Variants in TRPM4 observed in about 807,000 individuals in gnomAD.
TRPM4 encodes calcium-activated non-selective cation channel 1.
Under a neutral mutation model 135.6 loss-of-function variants are expected in TRPM4, and 124 were observed. The observed-to-expected ratio is 0.91, with a 90% CI of 0.79 to 1.06. The LOEUF (loss-of-function observed/expected upper bound fraction) is 1.06, where lower values mean the gene tolerates loss of function less well. Among genes scored for constraint, TRPM4 ranks in the 50% least tolerant of loss-of-function variants. The probability of loss-of-function intolerance (pLI) is 0.00; values close to 1 mark genes in which losing one functional copy is unlikely to be tolerated. For synonymous variants in TRPM4, 745 were observed against 705.6 expected (o/e 1.06, Z -0.88); for missense variants, 1,658 against 1,671.4 (o/e 0.99, Z 0.14).
Position 49,167,987 on chromosome 19 carries a change from G to T in TRPM4, c.338G>T (p.Arg113Leu). 1 of 1,613,976 alleles carries T rather than the reference G, an allele frequency of 6.2e-7. No individual in the cohort carries two copies. The highest frequency in any genetic ancestry group is 8.5e-7 in the Non-Finnish European group (1 of 1,179,994). Residue 113 changes from arginine to leucine, a missense_variant, in exon 4 of 25, where the codon CGT (arginine) becomes CTT (leucine). Around this residue, in one of 3 missense-constraint regions of TRPM4, gnomAD observed 239 missense variants for 240.1 expected, o/e 1.00. Transcript: ENST00000252826. ...YSLVTRTWGFRAPNLVVSVLG... is the reference protein window; with the variant it reads ...YSLVTRTWGFLAPNLVVSVLG... ...CTGGTCACACGCACATGGGGCTTCC[G>T]TGCCCCGAACCTGGTGGTGTCAGTG...
chr19:49,159,727 C>G (rs1435429988), intron 2 of TRPM4: 3 of 152,174 alleles, frequency 2.0e-5, no homozygotes, highest in South Asian at 4.1e-4. Flanking sequence ...AGGCAATGCA[C>G]CTGCCTTGGC....
intron 17 of TRPM4, among the ~76,000 whole-genome samples, chr19:49,199,248 TTTTGG>T (rs773918713): frequency 0.037 from 5,271 of 141,156 alleles, 185 homozygotes; most frequent in African/African-American, 0.098. Context: ...CTTGTTTTTT[TTTTGG>T]TTTTTGTTTT....
At chr19:49,193,559 G>A (rs1488638817) in intron 16 of TRPM4, among the ~76,000 whole-genome samples, 1 of 151,934 alleles carries the variant, frequency 6.6e-6, no homozygotes, top group Non-Finnish European at 1.5e-5. Flanking sequence ...CTCAGCCCCT[G>A]TGGAGCCCCC....
rs193205297 is a variant in TRPM4, at chr19:49,183,693, G to A, written c.1743+481G>A. Reference sequence around the variant, plus strand: ...GCTGGGATTACAGGCATGTGCCACCGTGCCTGGCCAAGATTCTCTCTTTGT... The same window carrying A: ...GCTGGGATTACAGGCATGTGCCACCATGCCTGGCCAAGATTCTCTCTTTGT... On this transcript the variant is annotated intron_variant, in intron 12 of 24. Coordinates refer to ENST00000252826, the MANE Select transcript of TRPM4 (RefSeq NM_017636.4). 3.2e-3 allele frequency among the ~76,000 whole-genome samples: 491 copies of A among 152,072 alleles called. 3 individuals are homozygous for A. The highest frequency in any genetic ancestry group is 0.017 in the Middle Eastern group (5 of 294).
At chr19:49,205,433 T>G (rs1367899165) in intron 20 of TRPM4, among the ~76,000 whole-genome samples, 2 of 152,068 alleles carry the variant, frequency 1.3e-5, no homozygotes, top group African/African-American at 4.8e-5. Flanking sequence ...CTTGATCACA[T>G]GTGTAAACTC....
In TRPM4 at chr19:49,196,627, G is replaced by T; in HGVS notation, c.2398G>T (p.Val800Leu). The change falls in exon 17 of 25, where the codon GTG (valine) becomes TTG (leucine). Residue 800 changes from valine (V) to leucine (L), a missense_variant. By Grantham distance (32) the Val-to-Leu change is conservative. Coordinates refer to ENST00000252826, the MANE Select transcript of TRPM4 (RefSeq NM_017636.4). ...GCTGTTCCTGCTGCTTTTCTCGCGG[G>T]TGCTGCTCGTGGATTTCCAGCCGGC... ...YLLFLLLFSR[V>L]LLVDFQPAPP... The T allele has an allele frequency of 6.4e-7, 1 of 1,551,876 alleles. No individual in the cohort carries two copies. The highest frequency in any genetic ancestry group is 2.4e-5 in the East Asian group (1 of 41,686).
rs1052951436 is a variant in TRPM4, at chr19:49,203,173, G to A, written c.3131+1032G>A. 2.0e-5 allele frequency among the ~76,000 whole-genome samples: 3 copies of A among 151,590 alleles called. No individual in the cohort carries two copies. In the Middle Eastern group the frequency reaches 0.01, roughly 516 times the overall value. ...CCCAAAGTGCTAGGATTACAGGCGT[G>A]AGCCACCGCGCCCCGCCTTTTTTTG... is the stretch of plus-strand genomic sequence containing the variant. On this transcript the variant is annotated intron_variant, in intron 20 of 24. Transcript: ENST00000252826.
Position 49,196,435 on chromosome 19 carries a change from C to G in TRPM4, c.2211-5C>G, listed in dbSNP as rs749307006. On this transcript the variant is annotated splice_region_variant and splice_polypyrimidine_tract_variant and intron_variant, in intron 16 of 24. Transcript: ENST00000252826. Reference sequence around the variant, plus strand: ...CCTCCTCCCTTCTCTTCTCTTCCCCCACAGGACGGCGGACCCAGCCGAGAA... The same window carrying G: ...CCTCCTCCCTTCTCTTCTCTTCCCCGACAGGACGGCGGACCCAGCCGAGAA... 6.5e-7 allele frequency: 1 copy of G among 1,536,136 alleles called. No homozygotes were observed. The highest frequency in any genetic ancestry group is 2.4e-5 in the East Asian group (1 of 41,336).
intron 9 of TRPM4, among the ~76,000 whole-genome samples, chr19:49,173,247 T>A (rs1967542278): frequency 6.6e-6 from 1 of 151,782 alleles, no homozygotes; most frequent in African/African-American, 2.4e-5. Flanking sequence ...CATTCCTCCA[T>A]CCATCCATCT....
intron 2 of TRPM4, among the ~76,000 whole-genome samples, chr19:49,164,671 TG>T (rs150133552): frequency 0.017 from 2,480 of 145,960 alleles, 30 homozygotes; most frequent in South Asian, 0.046. Flanking sequence ...CATGAGCCAC[TG>T]CGCCCGGCCT....
At chr19:49,172,611 C>T (rs1174612622) in intron 9 of TRPM4, among the ~76,000 whole-genome samples, 1 of 150,968 alleles carries the variant, frequency 6.6e-6, no homozygotes, top group Non-Finnish European at 1.5e-5. Context: ...CTGAGAATGC[C>T]ATCTGCTCAT....
At chr19:49,169,428 G>A (rs963343275) in intron 6 of TRPM4, among the ~76,000 whole-genome samples, 2 of 77,796 alleles carry the variant, frequency 2.6e-5, no homozygotes, top group Admixed American at 2.1e-4. Context: ...GGGATTACAG[G>A]CACGTGCCAT....
intron 9 of TRPM4, among the ~76,000 whole-genome samples, chr19:49,175,066 G>GTTTTTTT (rs1235125121): frequency 3.7e-5 from 4 of 108,798 alleles, no homozygotes; most frequent in African/African-American, 2.0e-4. Context: ...ATCATGCCTG[G>GTTTTTTT]CTTTTTTTTT....
chr19:49,176,346 G>C (rs1967694776), intron 9 of TRPM4, among the ~76,000 whole-genome samples: 1 of 152,082 alleles, frequency 6.6e-6, no homozygotes. Context: ...TCTCGCATCA[G>C]CCTCTGAGTA....
At position 49,182,455 on chromosome 19, in the gene TRPM4, T is replaced by C. The variant is rs138582527; in HGVS notation, c.1264-123T>C. On this transcript the variant is annotated intron_variant, in intron 10 of 24. Coordinates refer to ENST00000252826, the MANE Select transcript of TRPM4 (RefSeq NM_017636.4). The stretch of plus-strand genomic sequence containing the variant: ...ATCCATTCATCCATCCATCCACCCA[T>C]CCATCCATCCATCCATCCATCCATC... 751 of 88,526 alleles carry C rather than the reference T, an allele frequency of 8.5e-3. 4 individuals are homozygous for C. Among genetic ancestry groups the C allele is most frequent in the African/African-American group, 0.043 (469 of 11,004 alleles). 5.5% of individuals were successfully genotyped at this position (88,526 alleles called of 1,614,324 possible).
In TRPM4 at chr19:49,177,036, A is replaced by G. The variant is rs551546535; in HGVS notation, c.1151-4313A>G. Among the ~76,000 whole-genome samples the G allele has an allele frequency of 2.0e-5, 3 of 152,002 alleles. No individual in the cohort carries two copies. In the South Asian group the frequency reaches 6.2e-4, roughly 32 times the overall value. ...TGCCCGGTCCCGGTGGGGGCCCAAT[A>G]AGAGGGATCTCCTCTTAATATGATT... On this transcript the variant is annotated intron_variant, in intron 9 of 24. Transcript: ENST00000252826.
At chr19:49,203,267 C>T (rs1432396544) in intron 20 of TRPM4, among the ~76,000 whole-genome samples, 1 of 151,972 alleles carries the variant, frequency 6.6e-6, no homozygotes, top group East Asian at 1.9e-4. Flanking sequence ...GCAACCTCCA[C>T]CTCCCAGGTT....
rs367649770 is a variant in TRPM4 at position 49,196,590 on chromosome 19, G to A, written c.2361G>A (p.Val787=). 3.2e-5 allele frequency: 50 copies of A among 1,557,342 alleles called. No homozygotes were observed. Among genetic ancestry groups the A allele is most frequent in the Admixed American group, 5.7e-5 (3 of 52,358 alleles). The change falls in exon 17 of 25, where the codon GTG becomes GTA. Residue 787 remains valine, a synonymous_variant. Coordinates refer to ENST00000252826, the MANE Select transcript of TRPM4 (RefSeq NM_017636.4). ...GAPVTIFMGN[V]VSYLLFLLLF... The stretch of plus-strand genomic sequence containing the variant: ...CGGTGACCATCTTCATGGGCAACGT[G>A]GTCAGCTACCTGCTGTTCCTGCTGC...
At chr19:49,158,313 G>A in intron 2 of TRPM4, 54 bp downstream of exon 2, 2 of 1,526,362 alleles carry the variant, frequency 1.3e-6, no homozygotes, top group Non-Finnish European at 9.1e-7. Flanking sequence ...CGCTGACCCC[G>A]CCCGCGGATG....
Sources: allele counts gnomAD v4.1 joint callset (sites outside exome capture counted in the v4.1 genomes callset), GRCh38; gene constraint gnomAD v4.1.1; regional missense constraint gnomAD v4.1.1; transcripts MANE v1.5; gene names NCBI Gene and HGNC (gene_info 2026-07-23, HGNC 2026-07-21).